ASMT: variants seen among roughly 807,000 people sequenced by gnomAD.
ASMT encodes acetylserotonin N-methyltransferase.
ASMT carries 53 observed loss-of-function variants against 41.3 expected under a neutral mutation model. The ratio of observed to expected loss-of-function variants is 1.28; its 90% confidence interval spans 1.03 to 1.61. The LOEUF (loss-of-function observed/expected upper bound fraction) is 1.61, where lower values mean the gene tolerates loss of function less well. Among genes scored for constraint, ASMT ranks in the 40% most tolerant of loss-of-function variants. The pLI is 0.00. For missense variants in ASMT, 531 were observed against 441.3 expected (o/e 1.20, Z -1.82); for synonymous variants, 231 against 184.8 (o/e 1.25, Z -2.03).
At chrX:1,616,419 T>C (rs1424595512) in intron 1 of ASMT, among the ~76,000 whole-genome samples, 1 of 151,326 alleles carries the variant, frequency 6.6e-6, no homozygotes, top group Non-Finnish European at 1.5e-5. Context: ...AGGTGGAAAG[T>C]GGACTGGTGG....
intron 7 of ASMT, 194 bp from the exon 8 acceptor site, chrX:1,636,244 A>T: frequency 1.2e-6 from 1 of 810,220 alleles, no homozygotes; most frequent in Non-Finnish European, 2.1e-6. Context: ...GGCGTGAGCC[A>T]CCGCGCCCGA....
rs1389459305 is a variant in ASMT at position 1,615,199 on chromosome X, G to C, written c.-1G>C. ...GAAGCCACGGCTGGATTGGAGACAA[G>C]ATGGGATCCTCAGAGGACCAGGCCT... On this transcript the variant is annotated 5_prime_UTR_variant, in exon 1 of 9. Coordinates refer to ENST00000381241, the MANE Select transcript of ASMT (RefSeq NM_001171038.2). 2 of 1,591,424 alleles carry C rather than the reference G, an allele frequency of 1.3e-6. No individual in the cohort carries two copies. The highest frequency in any genetic ancestry group is 8.6e-7 in the Non-Finnish European group (1 of 1,169,252).
chrX:1,641,023 CTG>C (rs1309927964), intron 8 of ASMT, among the ~76,000 whole-genome samples: 2 of 6,634 alleles, frequency 3.0e-4, no homozygotes, highest in Admixed American at 2.8e-3. Flanking sequence ...GACACAGCCT[CTG>C]TGTGTGTGAT....
chrX:1,642,469 A>G (rs1417067873), intron 8 of ASMT, among the ~76,000 whole-genome samples: 2 of 144,670 alleles, frequency 1.4e-5, no homozygotes, highest in African/African-American at 5.3e-5. Context: ...TGAGAGGTCC[A>G]TCGATCCTGA....
chrX:1,629,835 G>T lies in ASMT; in HGVS notation c.458G>T (p.Arg153Leu). ...FTAIYRSEGE[R>L]LQFMQALQEV... ...TTGCATGCCAGGTCCGAGGGCGAGC[G>T]GCTACAGTTCATGCAAGCTCTGCAG... Residue 153 changes from arginine (R) to leucine (L), a missense_variant, in exon 5 of 9, where the codon CGG becomes CTG. Coordinates refer to ENST00000381241, the MANE Select transcript of ASMT (RefSeq NM_001171038.2). 1.2e-6 allele frequency: 2 copies of T among 1,613,866 alleles called. No homozygotes were observed. Among genetic ancestry groups the T allele is most frequent in the Non-Finnish European group, 1.7e-6 (2 of 1,179,840 alleles).
At chrX:1,619,413 G>C (rs1201078398) in intron 1 of ASMT, among the ~76,000 whole-genome samples, 5 of 149,972 alleles carry the variant, frequency 3.3e-5, no homozygotes, top group African/African-American at 1.2e-4. Context: ...AAAAAAAAGT[G>C]GGGGCTGGGG....
chrX:1,632,004 G>A (rs1256684961), intron 5 of ASMT, among the ~76,000 whole-genome samples: 7 of 152,088 alleles, frequency 4.6e-5, no homozygotes, highest in African/African-American at 7.2e-5. Context: ...AGCTGAGATC[G>A]CGCCACTGCA....
intron 6 of ASMT, 115 bp from the exon 7 acceptor site, chrX:1,633,035 G>T (rs1434132480): frequency 2.5e-6 from 3 of 1,190,794 alleles, no homozygotes; most frequent in African/African-American, 3.0e-5. Context: ...GACCAGACAT[G>T]GCGGAAGGAC....
At chrX:1,615,801 CA>C (rs1321677024) in intron 1 of ASMT, among the ~76,000 whole-genome samples, 18 of 143,244 alleles carry the variant, frequency 1.3e-4, no homozygotes, top group Admixed American at 4.2e-4. Flanking sequence ...GACTCTGTGT[CA>C]AAAAAAAACC....
Position 1,624,364 on chromosome X carries a change from T to A in ASMT, c.340T>A (p.Tyr114Asn). ...GCTGAAGTACATGGGCAGGACCAGC[T>A]ACCGGTGCTGGGGCCACCTGGCAGA... ...SMLKYMGRTSYRCWGHLADAV... is the reference protein window; with the variant it reads ...SMLKYMGRTSNRCWGHLADAV... Residue 114 changes from tyrosine (Y) to asparagine (N), a missense_variant, in exon 3 of 9, where the codon TAC becomes AAC. Coordinates refer to ENST00000381241, the MANE Select transcript of ASMT (RefSeq NM_001171038.2). 1 of 1,613,778 alleles carries A rather than the reference T, an allele frequency of 6.2e-7. No homozygotes were observed. Among genetic ancestry groups the A allele is most frequent in the Admixed American group, 1.7e-5 (1 of 60,010 alleles).
chrX:1,624,145 A>T, intron 2 of ASMT, 124 bp from the exon 3 acceptor site: 1 of 1,320,334 alleles, frequency 7.6e-7, no homozygotes, highest in Non-Finnish European at 1.1e-6. Context: ...GGAAGACCCC[A>T]TCTCTAAAGA....
intron 3 of ASMT, among the ~76,000 whole-genome samples, chrX:1,624,799 G>A (rs1400770199): frequency 5.4e-5 from 4 of 73,706 alleles, no homozygotes; most frequent in African/African-American, 2.5e-4. Flanking sequence ...CAGATGCTGG[G>A]AGGTGGGGGC....
intron 3 of ASMT, among the ~76,000 whole-genome samples, chrX:1,625,271 A>AT (rs1471170197): frequency 4.6e-5 from 7 of 150,908 alleles, no homozygotes; most frequent in Middle Eastern, 3.4e-3. Flanking sequence ...CACCCGACTA[A>AT]TTTTTTGTGT....
At chrX:1,632,015 C>T (rs1440776007) in intron 5 of ASMT, among the ~76,000 whole-genome samples, 1 of 152,138 alleles carries the variant, frequency 6.6e-6, no homozygotes, top group Non-Finnish European at 1.5e-5. Context: ...CGCCACTGCA[C>T]TCCAGCCTGG....
chrX:1,628,287 C>T (rs187059496), intron 4 of ASMT, among the ~76,000 whole-genome samples: 1 of 152,196 alleles, frequency 6.6e-6, no homozygotes, highest in Non-Finnish European at 1.5e-5. Flanking sequence ...CACCACTGCA[C>T]TCCAGCCTGG....
chrX:1,633,547 C>T (rs189892096), intron 7 of ASMT, among the ~76,000 whole-genome samples: 3,205 of 152,088 alleles, frequency 0.021, 119 homozygotes, highest in African/African-American at 0.074. Context: ...GCAGTCTCGG[C>T]TCACTGCAAC....
chrX:1,630,604 T>G (rs1489697966), intron 5 of ASMT, among the ~76,000 whole-genome samples: 1 of 152,022 alleles, frequency 6.6e-6, no homozygotes, highest in Admixed American at 6.6e-5. Flanking sequence ...TCACCCAGGC[T>G]CGAGTGCAAT....
At position 1,642,972 on chromosome X, in the gene ASMT, G is replaced by A; in HGVS notation, c.1080G>A (p.Lys360=). 1.2e-6 allele frequency: 2 copies of A among 1,613,964 alleles called. No homozygotes were observed. The highest frequency in any genetic ancestry group is 2.2e-5 in the South Asian group (2 of 91,072). ...SSAGFRDFQF[K]KTGAIYDAIL... ...CTGGCTTCAGAGACTTCCAGTTTAA[G>A]AAAACAGGAGCCATTTATGATGCCA... is the stretch of plus-strand genomic sequence containing the variant. Residue 360 remains lysine, a synonymous_variant, in exon 9 of 9, where the codon AAG becomes AAA. Coordinates refer to ENST00000381241, the MANE Select transcript of ASMT (RefSeq NM_001171038.2).
At chrX:1,636,255 C>T in intron 7 of ASMT, 183 bp from the exon 8 acceptor site, 2 of 921,542 alleles carry the variant, frequency 2.2e-6, no homozygotes, top group Admixed American at 1.8e-5. Flanking sequence ...CCGCGCCCGA[C>T]CTCAGTATTT....
Sources: allele counts gnomAD v4.1 joint callset (sites outside exome capture counted in the v4.1 genomes callset), GRCh38; gene constraint gnomAD v4.1.1; transcripts MANE v1.5; gene names NCBI Gene and HGNC (gene_info 2026-07-23, HGNC 2026-07-21).